Variants in TBX10 observed in about 807,000 individuals in gnomAD.
TBX10 encodes the protein T-box transcription factor 10.
Under a neutral mutation model 32.4 loss-of-function variants are expected in TBX10, and 26 were observed. That is an observed-to-expected ratio of 0.80 (90% CI 0.59 to 1.11). The LOEUF (loss-of-function observed/expected upper bound fraction) is 1.11, where lower values mean the gene tolerates loss of function less well. TBX10 is among the 50% of genes most tolerant of loss of function. The pLI is 0.00. For synonymous variants in TBX10, 195 were observed against 203.1 expected, an observed-to-expected ratio of 0.96 and a Z score of 0.34; for missense variants, 490 against 494.5, an observed-to-expected ratio of 0.99 and a Z score of 0.09.
At chr11:67,636,010 T>C (rs910333772) in intron 1 of TBX10, among the ~76,000 whole-genome samples, 11 of 151,724 alleles carry the variant, frequency 7.3e-5, no homozygotes, top group Non-Finnish European at 7.4e-5. Flanking sequence ...AAGATGGCTA[T>C]TAGAAAAGAA....
rs1322032336 is a variant in TBX10 at position 67,639,632 on chromosome 11, T to C, written c.-160A>G. On this transcript the variant is annotated 5_prime_UTR_variant, in exon 1 of 8. Transcript: ENST00000335385. ...GTCTCTCGGCAGGACGGTCCTTGCCTCCTCGATCGCCCTTCGTCCACGTCC... is the reference window on the plus strand; with the variant it reads ...GTCTCTCGGCAGGACGGTCCTTGCCCCCTCGATCGCCCTTCGTCCACGTCC... 4.3e-6 allele frequency: 4 copies of C among 928,874 alleles called. No individual in the cohort carries two copies. The highest frequency in any genetic ancestry group is 6.8e-6 in the Non-Finnish European group (4 of 588,680). The allele number at this position is 928,874 out of a possible 1,614,324, so 57.5% of individuals were successfully genotyped here.
chr11:67,632,690 G>A lies in TBX10; in HGVS notation c.706-20C>T, dbSNP rs772253443. 2 of 1,613,636 alleles carry A rather than the reference G, an allele frequency of 1.2e-6. No individual in the cohort carries two copies. Among genetic ancestry groups the A allele is most frequent in the African/African-American group, 1.3e-5 (1 of 74,938 alleles). ...GGTGATCTGCAGGAGACAAAGTGCA[G>A]TTGTGGGCTGGCCATGAGCCAGGCT... On this transcript the variant is annotated intron_variant, in intron 5 of 7. Transcript: ENST00000335385.
chr11:67,632,453 A>T (rs746713669), intron 6 of TBX10, 41 bp from the exon 7 acceptor site: 2 of 1,602,010 alleles, frequency 1.2e-6, no homozygotes, highest in Non-Finnish European at 1.7e-6. Context: ...GATCAAGGGG[A>T]AGAACCCAGG....
chr11:67,639,401 T>G, intron 1 of TBX10, 65 bp downstream of exon 1: 34 of 213,890 alleles, frequency 1.6e-4, no homozygotes, highest in Non-Finnish European at 3.1e-4. Context: ...GTTCCCACCC[T>G]GCCCACCCAC....
chr11:67,632,037 T>G, intron 7 of TBX10, 143 bp from the exon 8 acceptor site: 2 of 1,274,064 alleles, frequency 1.6e-6, no homozygotes, highest in South Asian at 2.7e-5. Flanking sequence ...TGCCTGGAAT[T>G]TCTTCTTCAC....
rs1156594914 is a variant in TBX10 at position 67,632,597 on chromosome 11, C to T, written c.773+6G>A. On this transcript the variant is annotated splice_donor_region_variant and intron_variant, in intron 6 of 7. Transcript: ENST00000335385. ...GTGAGGGGCTAGGGTCAGGGTCAGA[C>T]AGTACCAGGAGTCCAGGTCACTCTC... 1 of 1,614,008 alleles carries T rather than the reference C, an allele frequency of 6.2e-7. No homozygotes were observed.
Position 67,632,533 on chromosome 11 carries a change from G to A in TBX10, c.773+70C>T, listed in dbSNP as rs1243389047. 1.9e-6 allele frequency: 3 copies of A among 1,594,600 alleles called. No homozygotes were observed. The African/African-American group carries it at 4.0e-5, about 21-fold the overall frequency. On this transcript the variant is annotated intron_variant, in intron 6 of 7. Transcript: ENST00000335385. Reference sequence around the variant, plus strand: ...TCAGAGGGTGTGACCCTGAAACAAGGGTCAGGAACTGAGGCCTTAGGATAT... The same window carrying A: ...TCAGAGGGTGTGACCCTGAAACAAGAGTCAGGAACTGAGGCCTTAGGATAT...
chr11:67,640,480 C>T (rs547228419), upstream of TBX10, among the ~76,000 whole-genome samples: 3 of 152,302 alleles, frequency 2.0e-5, no homozygotes, highest in South Asian at 6.2e-4. Context: ...GAGAAGTGGG[C>T]GTCCGCTCTG....
At chr11:67,637,886 T>C (rs1855352588) in intron 1 of TBX10, among the ~76,000 whole-genome samples, 1 of 152,244 alleles carries the variant, frequency 6.6e-6, no homozygotes, top group African/African-American at 2.4e-5. Flanking sequence ...GTGAATGTAA[T>C]TAATGACACA....
intron 4 of TBX10, among the ~76,000 whole-genome samples, chr11:67,633,485 C>T (rs992559642): frequency 3.3e-5 from 5 of 152,182 alleles, no homozygotes; most frequent in Admixed American, 6.5e-5. Flanking sequence ...AACCGTCCAG[C>T]GACTTCCACC....
At chr11:67,637,354 C>T (rs1855344997) in intron 1 of TBX10, among the ~76,000 whole-genome samples, 1 of 21,462 alleles carries the variant, frequency 4.7e-5, no homozygotes, top group East Asian at 0.062. Context: ...CTCAGCAAGG[C>T]CATTTTTTTT....
At chr11:67,633,957 G>A (rs11227872) in intron 4 of TBX10, among the ~76,000 whole-genome samples, 6,950 of 152,080 alleles carry the variant, frequency 0.046, 522 homozygotes, top group African/African-American at 0.16. Flanking sequence ...CTCTCCTTGC[G>A]GGGGACAACG....
chr11:67,632,179 C>T (rs1855246718), intron 7 of TBX10, 139 bp downstream of exon 7: 1 of 1,068,422 alleles, frequency 9.4e-7, no homozygotes, highest in South Asian at 1.3e-5. Flanking sequence ...GGCATGTCTG[C>T]TTCCCCCTCC....
chr11:67,636,974 C>A (rs1855340519), intron 1 of TBX10, among the ~76,000 whole-genome samples: 2 of 152,200 alleles, frequency 1.3e-5, no homozygotes, highest in Admixed American at 6.5e-5. Flanking sequence ...AAAATGGGGT[C>A]CATCCGTGCA....
At position 67,634,922 on chromosome 11, in the gene TBX10, G is replaced by T; in HGVS notation, c.276-5C>A. ...TGGAAGGGGGGGAACATCCTCCTGC[G>T]GGAGGGAGGTGCTCAGCAGCCGGAT... On this transcript the variant is annotated splice_region_variant and splice_polypyrimidine_tract_variant and intron_variant, in intron 2 of 7. Transcript: ENST00000335385. 1 of 1,613,124 alleles carries T rather than the reference G, an allele frequency of 6.2e-7. No homozygotes were observed. Among genetic ancestry groups the T allele is most frequent in the Non-Finnish European group, 8.5e-7 (1 of 1,179,956 alleles).
At chr11:67,635,445 CA>C (rs1256032618) in intron 1 of TBX10, among the ~76,000 whole-genome samples, 182 bp from the exon 2 acceptor site, 4 of 152,204 alleles carry the variant, frequency 2.6e-5, no homozygotes, top group Non-Finnish European at 4.4e-5. Context: ...TTTATTTTGC[CA>C]GCAAGCTCCT....
Position 67,639,494 on chromosome 11 carries a change from C to T in TBX10, c.-22G>A, listed in dbSNP as rs1361337174. On this transcript the variant is annotated 5_prime_UTR_variant, in exon 1 of 8. Transcript: ENST00000335385. ...CCATGGAGACAGAGAGGCTGTCCGG[C>T]TCCTGGAGAAACACTGCTTGGCTGG... The T allele has an allele frequency of 1.2e-6, 2 of 1,605,152 alleles. No individual in the cohort carries two copies.
In TBX10 at chr11:67,635,013, G is replaced by A. The variant is rs773320803; in HGVS notation, c.258C>T (p.Ile86=). The change falls in exon 2 of 8, where the codon ATC becomes ATT. Residue 86 remains isoleucine (I), a synonymous_variant. Coordinates refer to ENST00000335385, the MANE Select transcript of TBX10 (RefSeq NM_005995.5). The stretch of plus-strand genomic sequence containing the variant: ...GCTCACACCTGCCTGCCTTGGTGAC[G>A]ATCATCTCAGTGCCCAGCTGGTTGA... The part of the protein sequence containing the change: ...EEFNQLGTEM[I]VTKAGRRMFP... 2.7e-5 allele frequency: 44 copies of A among 1,613,516 alleles called. No individual in the cohort carries two copies. The highest frequency in any genetic ancestry group is 2.0e-4 in the African/African-American group (15 of 74,916).
rs561604275 is a variant in TBX10 at position 67,639,718 on chromosome 11, C to T, written c.-246G>A. Among the ~76,000 whole-genome samples, 3 of 152,358 alleles carry T rather than the reference C, an allele frequency of 2.0e-5. No homozygotes were observed. The highest frequency in any genetic ancestry group is 1.3e-4 in the Admixed American group (2 of 15,306). Reference sequence around the variant, plus strand: ...GGTCTCCGAAGGTGAGATGCAGGCTCTGGGGCGTGCAGCGGCCCTTCTCCA... The same window carrying T: ...GGTCTCCGAAGGTGAGATGCAGGCTTTGGGGCGTGCAGCGGCCCTTCTCCA... On this transcript the variant is annotated 5_prime_UTR_variant, in exon 1 of 8. Transcript: ENST00000335385.
Sources: gnomAD v4.1 joint callset for allele counts (sites outside exome capture counted in the v4.1 genomes callset) on GRCh38, gnomAD v4.1.1 for gene constraint, MANE v1.5 for transcripts, NCBI Gene and HGNC (gene_info 2026-07-23, HGNC 2026-07-21) for gene names.